Variants in SGCZ observed in about 807,000 individuals in gnomAD.
SGCZ encodes the protein sarcoglycan zeta.
Under a neutral mutation model 41.3 loss-of-function variants are expected in SGCZ, and 40 were observed. That is an observed-to-expected ratio of 0.97 (90% CI 0.75 to 1.26). SGCZ has a LOEUF of 1.26. SGCZ is among the 50% of genes most tolerant of loss of function. SGCZ has a pLI of 0.00. For missense variants in SGCZ, 552 were observed against 369.8 expected (o/e 1.49, Z -4.04); for synonymous variants, 206 against 137.5 (o/e 1.50, Z -3.49).
At chr8:15,153,543 G>A (rs1046222081) in intron 1 of SGCZ, among the ~76,000 whole-genome samples, 1 of 152,088 alleles carries the variant, frequency 6.6e-6, no homozygotes, top group Non-Finnish European at 1.5e-5. Context: ...GGTGGGGCCG[G>A]GTAGAAGGTA....
At chr8:14,800,337 T>G (rs367728751) in intron 1 of SGCZ, among the ~76,000 whole-genome samples, 1 of 152,188 alleles carries the variant, frequency 6.6e-6, no homozygotes, top group Admixed American at 6.5e-5. Flanking sequence ...TACCTCATAC[T>G]ATAGATAGAG....
chr8:14,742,495 A>C (rs1799223883), intron 1 of SGCZ, among the ~76,000 whole-genome samples: 1 of 152,102 alleles, frequency 6.6e-6, no homozygotes, highest in Non-Finnish European at 1.5e-5. Flanking sequence ...CAATTTGGAG[A>C]AATCAAGTCA....
At chr8:14,809,287 G>A (rs1210469838) in intron 1 of SGCZ, among the ~76,000 whole-genome samples, 3 of 151,962 alleles carry the variant, frequency 2.0e-5, no homozygotes, top group African/African-American at 7.2e-5. Context: ...CTGTTTCAAA[G>A]GAGAAATGTG....
At chr8:14,832,496 C>T (rs1019900901) in intron 1 of SGCZ, among the ~76,000 whole-genome samples, 2 of 149,062 alleles carry the variant, frequency 1.3e-5, no homozygotes, top group South Asian at 2.2e-4. Context: ...AGATGGGTAG[C>T]ATTTTTTTTA....
chr8:14,185,041 A>G (rs112578119), intron 4 of SGCZ, among the ~76,000 whole-genome samples: 428 of 152,256 alleles, frequency 2.8e-3, no homozygotes, highest in African/African-American at 9.1e-3. Context: ...TTCAACCTTT[A>G]TAATACAGCA....
At chr8:15,187,601 A>G (rs1038458994) in intron 1 of SGCZ, among the ~76,000 whole-genome samples, 2 of 152,080 alleles carry the variant, frequency 1.3e-5, no homozygotes, top group African/African-American at 4.8e-5. Flanking sequence ...AAAATCACAT[A>G]AAGAACTTTT....
chr8:14,689,955 T>A (rs1221202336), intron 1 of SGCZ, among the ~76,000 whole-genome samples: 2 of 152,158 alleles, frequency 1.3e-5, no homozygotes, highest in Admixed American at 6.6e-5. Context: ...AAAAGTTATG[T>A]GATAAAGTCA....
chr8:15,107,568 G>C (rs967261735), intron 1 of SGCZ, among the ~76,000 whole-genome samples: 4 of 152,174 alleles, frequency 2.6e-5, no homozygotes, highest in African/African-American at 7.2e-5. Context: ...ATCAGCATGA[G>C]GCCCTCACCA....
intron 1 of SGCZ, among the ~76,000 whole-genome samples, chr8:14,960,620 A>G (rs1213296946): frequency 6.6e-6 from 1 of 152,132 alleles, no homozygotes; most frequent in Non-Finnish European, 1.5e-5. Flanking sequence ...CAACACCAGA[A>G]ATGTGAAGAA....
At chr8:14,472,468 T>C (rs79483783) in intron 2 of SGCZ, among the ~76,000 whole-genome samples, 1 of 152,014 alleles carries the variant, frequency 6.6e-6, no homozygotes, top group South Asian at 2.1e-4. Context: ...TATATTCACT[T>C]TGTACTTACT....
intron 3 of SGCZ, among the ~76,000 whole-genome samples, chr8:14,269,554 G>A (rs567765796): frequency 4.6e-5 from 7 of 152,194 alleles, no homozygotes; most frequent in African/African-American, 1.7e-4. Context: ...CACACTCCTT[G>A]GTATACTGCA....
chr8:14,208,604 A>T (rs1452175182), intron 4 of SGCZ, among the ~76,000 whole-genome samples: 1 of 152,236 alleles, frequency 6.6e-6, no homozygotes, highest in Non-Finnish European at 1.5e-5. Flanking sequence ...CAATTATAAT[A>T]GAATCAGACA....
chr8:14,316,391 A>G (rs1432013278), intron 3 of SGCZ, among the ~76,000 whole-genome samples: 1 of 152,050 alleles, frequency 6.6e-6, no homozygotes, highest in Non-Finnish European at 1.5e-5. Context: ...TTTTCAGGTC[A>G]TTTACTCAAT....
chr8:15,009,425 G>C (rs910366751), intron 1 of SGCZ, among the ~76,000 whole-genome samples: 1 of 108,888 alleles, frequency 9.2e-6, no homozygotes, highest in African/African-American at 3.3e-5. Flanking sequence ...TTCTACATGA[G>C]ATTTGGGTGG....
chr8:15,224,217 AT>A (rs1801698251), intron 1 of SGCZ, among the ~76,000 whole-genome samples: 1 of 152,216 alleles, frequency 6.6e-6, no homozygotes, highest in Admixed American at 6.5e-5. Context: ...ATAACAGAGT[AT>A]ATTTTTCTTC....
intron 1 of SGCZ, among the ~76,000 whole-genome samples, chr8:14,848,884 G>A (rs1005968597): frequency 2.0e-5 from 3 of 152,024 alleles, no homozygotes; most frequent in East Asian, 1.9e-4. Context: ...TAAATGACAT[G>A]GTTAAGAAAA....
intron 1 of SGCZ, among the ~76,000 whole-genome samples, chr8:14,626,456 C>T (rs921178924): frequency 2.0e-5 from 3 of 152,040 alleles, no homozygotes; most frequent in Non-Finnish European, 4.4e-5. Context: ...AATATTTGAA[C>T]TTTGTCTCTT....
chr8:15,148,092 AGCAGCGATGAG>A (rs1799084428), intron 1 of SGCZ, among the ~76,000 whole-genome samples: 1 of 152,236 alleles, frequency 6.6e-6, no homozygotes, highest in Non-Finnish European at 1.5e-5. Flanking sequence ...AAAAGCAAGA[AGCAGCGATGAG>A]GCAGCTAGTA....
intron 2 of SGCZ, among the ~76,000 whole-genome samples, chr8:14,394,166 T>C (rs376398109): frequency 0.16 from 23,158 of 145,104 alleles, 4,725 homozygotes; most frequent in African/African-American, 0.47. Flanking sequence ...TTTTTTTTTT[T>C]TTGAGATTTA....
Sources: allele counts gnomAD v4.1 joint callset (sites outside exome capture counted in the v4.1 genomes callset), GRCh38; gene constraint gnomAD v4.1.1; transcripts MANE v1.5; gene names NCBI Gene and HGNC (gene_info 2026-07-23, HGNC 2026-07-21).